Variants in C8orf34 observed in about 807,000 individuals in gnomAD.
The protein encoded by C8orf34 is uncharacterized protein C8orf34.
Under a neutral mutation model 68.3 loss-of-function variants are expected in C8orf34, and 65 were observed. The observed-to-expected ratio is 0.95, with a 90% confidence interval of 0.78 to 1.17. The LOEUF is 1.17. Among genes scored for constraint, C8orf34 ranks in the 50% most tolerant of loss-of-function variants. C8orf34 has a pLI of 0.00. For missense variants in C8orf34, 664 were observed against 655.4 expected (o/e 1.01, Z -0.14); for synonymous variants, 244 against 241.2 (o/e 1.01, Z -0.11).
At chr8:68,563,874 A>G (rs533137878) in intron 7 of C8orf34, among the ~76,000 whole-genome samples, 1 of 146,460 alleles carries the variant, frequency 6.8e-6, no homozygotes, top group Non-Finnish European at 1.5e-5. Context: ...AGGAGCAAAT[A>G]ACATTGAAAC....
At chr8:68,629,444 G>T (rs1818626527) in intron 7 of C8orf34, among the ~76,000 whole-genome samples, 1 of 152,040 alleles carries the variant, frequency 6.6e-6, no homozygotes, top group Admixed American at 6.6e-5. Context: ...CTTACTCCTG[G>T]TCACTGCTTC....
intron 8 of C8orf34, among the ~76,000 whole-genome samples, chr8:68,701,996 C>A (rs1477268715): frequency 6.6e-6 from 1 of 152,022 alleles, no homozygotes; most frequent in Non-Finnish European, 1.5e-5. Flanking sequence ...AAGTTGTACA[C>A]TGCCCCTCCC....
At chr8:68,361,564 A>T (rs1807000704) in intron 1 of C8orf34, among the ~76,000 whole-genome samples, 1 of 152,224 alleles carries the variant, frequency 6.6e-6, no homozygotes, top group South Asian at 2.1e-4. Flanking sequence ...TTGCCTGTTG[A>T]ATTAAATATG....
intron 7 of C8orf34, among the ~76,000 whole-genome samples, chr8:68,589,935 AAGG>A (rs1817334135): frequency 6.8e-6 from 1 of 146,458 alleles, no homozygotes; most frequent in South Asian, 2.3e-4. Context: ...GGAGGGAAAG[AAGG>A]AAGGAAGGAG....
At chr8:68,346,186 A>G (rs527602240) in intron 1 of C8orf34, among the ~76,000 whole-genome samples, 3 of 152,086 alleles carry the variant, frequency 2.0e-5, no homozygotes, top group South Asian at 2.1e-4. Context: ...TATATTTTAC[A>G]TACTAATTTC....
chr8:68,379,460 C>T (rs1329954720), intron 1 of C8orf34, among the ~76,000 whole-genome samples: 1 of 152,116 alleles, frequency 6.6e-6, no homozygotes, highest in African/African-American at 2.4e-5. Flanking sequence ...ATCTTCATGC[C>T]CCGCTCCACA....
At chr8:68,464,032 T>A (rs1485758105) in intron 3 of C8orf34, among the ~76,000 whole-genome samples, 6 of 152,112 alleles carry the variant, frequency 3.9e-5, no homozygotes, top group African/African-American at 1.4e-4. Context: ...TGATTGTATA[T>A]CTAGAAAACC....
Position 68,637,993 on chromosome 8 carries a change from A to T in C8orf34, c.1106-2383A>T, listed in dbSNP as rs148134402. ...TTTTAATAAGAATAAAATGAAAGAG[A>T]AAAAGAGTCATTGTGGGTAGGTAAC... is the stretch of plus-strand genomic sequence containing the variant. On this transcript the variant is annotated intron_variant, in intron 7 of 13. Coordinates refer to ENST00000518698, the MANE Select transcript of C8orf34 (RefSeq NM_052958.4). Among the ~76,000 whole-genome samples the T allele has an allele frequency of 1.2e-3, 181 of 152,354 alleles. 2 individuals are homozygous for T. The highest frequency in any genetic ancestry group is 4.1e-3 in the African/African-American group (172 of 41,586).
intron 7 of C8orf34, among the ~76,000 whole-genome samples, chr8:68,639,653 G>T (rs1454160143): frequency 6.6e-6 from 1 of 152,096 alleles, no homozygotes; most frequent in East Asian, 1.9e-4. Flanking sequence ...CTTTTTACAA[G>T]CTTCCTTGTT....
chr8:68,426,433 C>A (rs759718761), intron 1 of C8orf34, among the ~76,000 whole-genome samples: 3 of 145,910 alleles, frequency 2.1e-5, no homozygotes, highest in African/African-American at 5.1e-5. Flanking sequence ...GTGGGAAAAT[C>A]GCTTCAACCT....
intron 4 of C8orf34, among the ~76,000 whole-genome samples, chr8:68,476,748 G>C (rs1415339519): frequency 1.3e-5 from 2 of 152,136 alleles, no homozygotes; most frequent in African/African-American, 4.8e-5. Context: ...TATATCCTAT[G>C]TTCACTTTGG....
chr8:68,418,365 C>T (rs1809774741), intron 1 of C8orf34, among the ~76,000 whole-genome samples: 1 of 151,992 alleles, frequency 6.6e-6, no homozygotes, highest in Admixed American at 6.5e-5. Flanking sequence ...GCATCCCTGT[C>T]TTGTGCCAGT....
At chr8:68,523,660 G>T (rs1392954261) in intron 6 of C8orf34, among the ~76,000 whole-genome samples, 1 of 152,012 alleles carries the variant, frequency 6.6e-6, no homozygotes, top group East Asian at 1.9e-4. Context: ...TAAACCATGG[G>T]CTAGAAACTA....
chr8:68,767,807 C>T (rs1017284115), intron 10 of C8orf34, among the ~76,000 whole-genome samples: 20 of 152,212 alleles, frequency 1.3e-4, no homozygotes, highest in African/African-American at 4.1e-4. Context: ...ACCTAGCTGG[C>T]GTGGCTATTT....
In C8orf34 at chr8:68,458,423, G is replaced by C. The variant is rs188784702; in HGVS notation, c.608-10269G>C. Among the ~76,000 whole-genome samples the C allele has an allele frequency of 4.3e-3, 652 of 152,194 alleles. 5 individuals are homozygous for C. Among genetic ancestry groups the C allele is most frequent in the African/African-American group, 0.015 (630 of 41,510 alleles). On this transcript the variant is annotated intron_variant, in intron 3 of 13. Coordinates refer to ENST00000518698, the MANE Select transcript of C8orf34 (RefSeq NM_052958.4). ...ATGGGAACCTAGGCTGTGTCTGGTA[G>C]ATATCCAGGGATATTGACTAGAATT...
Position 68,331,707 on chromosome 8 carries a change from C to T in C8orf34, c.327+368C>T, listed in dbSNP as rs76210129. On this transcript the variant is annotated intron_variant, in intron 1 of 13. Coordinates refer to ENST00000518698, the MANE Select transcript of C8orf34 (RefSeq NM_052958.4). ...ACACACTCAGACTGTGTTGCACACG[C>T]ACACTTTCTTTTTTGAATTCACGCT... 9.4e-3 allele frequency among the ~76,000 whole-genome samples: 1,397 copies of T among 149,024 alleles called. 25 individuals are homozygous for T. The highest frequency in any genetic ancestry group is 0.032 in the African/African-American group (1,280 of 40,576).
intron 7 of C8orf34, among the ~76,000 whole-genome samples, chr8:68,558,457 A>G (rs527303101): frequency 6.6e-6 from 1 of 152,220 alleles, no homozygotes; most frequent in South Asian, 2.1e-4. Context: ...TACCAAACAG[A>G]AAAGAAAATC....
chr8:68,413,357 T>C (rs561653821), intron 1 of C8orf34, among the ~76,000 whole-genome samples: 7 of 152,342 alleles, frequency 4.6e-5, no homozygotes, highest in African/African-American at 1.7e-4. Flanking sequence ...TTCTATTTTG[T>C]TCACTGACTA....
chr8:68,494,267 C>A (rs1450662436), intron 5 of C8orf34, among the ~76,000 whole-genome samples: 1 of 152,034 alleles, frequency 6.6e-6, no homozygotes, highest in Admixed American at 6.6e-5. Flanking sequence ...GTGAAATAAG[C>A]CAGTCATAAA....
Sources: gnomAD v4.1 joint callset for allele counts (sites outside exome capture counted in the v4.1 genomes callset) on GRCh38, gnomAD v4.1.1 for gene constraint, MANE v1.5 for transcripts, NCBI Gene and HGNC (gene_info 2026-07-23, HGNC 2026-07-21) for gene names.